The following ETS1 variants were observed in gnomAD, a reference collection of about 807,000 sequenced individuals.
The protein encoded by ETS1 is ETS proto-oncogene 1, transcription factor.
In ETS1, 15 loss-of-function variants were observed where a neutral mutation model predicts 58.6. That is an observed-to-expected ratio of 0.26 (90% CI 0.17 to 0.39). The LOEUF is 0.39. Ranked by LOEUF, ETS1 falls within the 10% of genes least tolerant of loss-of-function variation. ETS1 has a pLI of 1.00. For missense variants in ETS1, 417 were observed against 610.5 expected (o/e 0.68, Z 3.34); for synonymous variants, 214 against 218.2 (o/e 0.98, Z 0.17).
At chr11:128,493,545 A>C (rs927823451) in intron 3 of ETS1, among the ~76,000 whole-genome samples, 2 of 152,210 alleles carry the variant, frequency 1.3e-5, no homozygotes, top group Admixed American at 1.3e-4. Context: ...CTTTAAAAAA[A>C]GGGTTCACAT....
intron 2 of ETS1, among the ~76,000 whole-genome samples, chr11:128,570,835 T>A (rs1006478326): frequency 6.6e-6 from 1 of 152,232 alleles, no homozygotes; most frequent in Non-Finnish European, 1.5e-5. Flanking sequence ...CTGCAAGTCC[T>A]TTGGCAATCG....
chr11:128,581,349 G>C (rs1422792343), intron 1 of ETS1, among the ~76,000 whole-genome samples: 2 of 152,118 alleles, frequency 1.3e-5, no homozygotes, highest in East Asian at 3.9e-4. Context: ...ACATCTTCCT[G>C]AAGATCAAAG....
Position 128,556,245 on chromosome 11 carries a change from G to T in ETS1, c.214+46C>A, listed in dbSNP as rs930100709. ...ATGCAGCCCTCATCACATTTCCATT[G>T]TCCTTCAACTCTATCCTCATTCCCA... is the stretch of plus-strand genomic sequence containing the variant. On this transcript the variant is annotated intron_variant, in intron 3 of 9. Coordinates refer to ENST00000392668, the MANE Select transcript of ETS1 (RefSeq NM_001143820.2). The T allele has an allele frequency of 6.5e-6, 10 of 1,531,572 alleles. No individual in the cohort carries two copies. The East Asian group carries it at 2.3e-4, about 35-fold the overall frequency. The allele number at this position is 1,531,572 out of a possible 1,614,324, so 94.9% of individuals were successfully genotyped here.
At position 128,570,231 on chromosome 11, in the gene ETS1, T is replaced by TCTTTTC. The variant is rs1229991452; in HGVS notation, c.69+2825_69+2830dup. On this transcript the variant is annotated intron_variant, in intron 2 of 9. Transcript: ENST00000392668. ...TGACATTTCTTTCTTTCTTTCTTTT[T>TCTTTTC]CTTTTCCTTTTTTTTTTTTTTTTAG... 4.1e-5 allele frequency among the ~76,000 whole-genome samples: 6 copies of TCTTTTC among 147,816 alleles called. No homozygotes were observed. In the Admixed American group the frequency reaches 4.1e-4, roughly 10 times the overall value.
chr11:128,502,867 G>A (rs1019730501), intron 3 of ETS1, among the ~76,000 whole-genome samples: 10 of 152,212 alleles, frequency 6.6e-5, no homozygotes, highest in African/African-American at 2.4e-4. Context: ...CACAGGCCGT[G>A]AGCCCCTGCA....
At chr11:128,582,149 T>C (rs1236335979) in intron 1 of ETS1, among the ~76,000 whole-genome samples, 1 of 152,198 alleles carries the variant, frequency 6.6e-6, no homozygotes, top group Non-Finnish European at 1.5e-5. Context: ...ATCAATCTTC[T>C]CATTTATTTC....
At chr11:128,504,160 A>G (rs537461042) in intron 3 of ETS1, among the ~76,000 whole-genome samples, 4 of 152,264 alleles carry the variant, frequency 2.6e-5, no homozygotes, top group South Asian at 4.1e-4. Flanking sequence ...TCCCTAAACC[A>G]TTACGCTCAC....
At chr11:128,585,168 G>GAAAGAA (rs1181258711) in intron 1 of ETS1, among the ~76,000 whole-genome samples, 1 of 8,384 alleles carries the variant, frequency 1.2e-4, no homozygotes, top group South Asian at 2.8e-3. Flanking sequence ...AAGAAAGAAA[G>GAAAGAA]AGAAAGAAAG....
At chr11:128,520,238 T>C (rs527330674) in intron 3 of ETS1, among the ~76,000 whole-genome samples, 1 of 152,328 alleles carries the variant, frequency 6.6e-6, no homozygotes, top group East Asian at 1.9e-4. Flanking sequence ...ATATTTAATA[T>C]TAAATTACCA....
chr11:128,567,402 T>C (rs1237566978), intron 2 of ETS1, among the ~76,000 whole-genome samples: 2 of 152,212 alleles, frequency 1.3e-5, no homozygotes, highest in South Asian at 2.1e-4. Flanking sequence ...TTATTCTGTA[T>C]AGTGAAAGAA....
intron 1 of ETS1, among the ~76,000 whole-genome samples, chr11:128,586,147 A>C (rs1865027362): frequency 6.6e-6 from 1 of 152,258 alleles, no homozygotes; most frequent in African/African-American, 2.4e-5. Flanking sequence ...AAGAGGCTGC[A>C]TGGATGCCTG....
intron 1 of ETS1, among the ~76,000 whole-genome samples, chr11:128,583,229 C>T (rs756344221): frequency 9.2e-5 from 14 of 152,150 alleles, no homozygotes; most frequent in Non-Finnish European, 1.3e-4. Flanking sequence ...GGAGGCAGAG[C>T]CCAAGGAGGA....
chr11:128,475,409 C>A (rs138608939), intron 8 of ETS1, among the ~76,000 whole-genome samples: 90 of 152,274 alleles, frequency 5.9e-4, no homozygotes, highest in African/African-American at 2.0e-3. Flanking sequence ...CAACTACGAG[C>A]CAGAACTCTA....
chr11:128,557,565 G>T (rs1314129375), intron 2 of ETS1, among the ~76,000 whole-genome samples: 1 of 152,118 alleles, frequency 6.6e-6, no homozygotes, highest in African/African-American at 2.4e-5. Flanking sequence ...TGGCCACATA[G>T]GTTAAAAACT....
chr11:128,543,635 T>C (rs1157470909), intron 3 of ETS1, among the ~76,000 whole-genome samples: 3 of 152,134 alleles, frequency 2.0e-5, no homozygotes, highest in Non-Finnish European at 4.4e-5. Flanking sequence ...ACTCAACGTC[T>C]CTCCTTTCAC....
At chr11:128,543,755 A>T (rs1441825715) in intron 3 of ETS1, among the ~76,000 whole-genome samples, 1 of 152,232 alleles carries the variant, frequency 6.6e-6, no homozygotes, top group Admixed American at 6.5e-5. Context: ...AACCAGAAGG[A>T]TAATAATAAA....
intron 1 of ETS1, among the ~76,000 whole-genome samples, chr11:128,584,961 A>G (rs1463344161): frequency 7.6e-5 from 2 of 26,378 alleles, no homozygotes; most frequent in African/African-American, 5.2e-4. Context: ...AAAGAAAGAA[A>G]GAAAGAAAGA....
At chr11:128,526,502 G>A (rs902668621) in intron 3 of ETS1, 4 of 187,220 alleles carry the variant, frequency 2.1e-5, no homozygotes, top group Non-Finnish European at 3.4e-5. Flanking sequence ...GGTAGAATAT[G>A]TGGGAAATCA....
intron 1 of ETS1, among the ~76,000 whole-genome samples, chr11:128,573,568 G>A (rs1864682734): frequency 1.3e-5 from 2 of 152,216 alleles, no homozygotes; most frequent in South Asian, 4.1e-4. Flanking sequence ...AACATAGAAA[G>A]GATTGGAGAA....
Sources: allele counts gnomAD v4.1 joint callset (sites outside exome capture counted in the v4.1 genomes callset), GRCh38; gene constraint gnomAD v4.1.1; transcripts MANE v1.5; gene names NCBI Gene and HGNC (gene_info 2026-07-23, HGNC 2026-07-21).